Variants in SH3BP2 observed in about 807,000 individuals in gnomAD.
The protein encoded by SH3BP2 is SH3 domain-binding protein 2.
In SH3BP2, 38 loss-of-function variants were observed where a neutral mutation model predicts 56.2. The observed-to-expected ratio is 0.68, with a 90% CI of 0.52 to 0.89. SH3BP2 has a LOEUF of 0.89. Ranked by LOEUF, SH3BP2 falls within the 40% of genes least tolerant of loss-of-function variation. The probability of loss-of-function intolerance (pLI) is 0.00; values close to 1 mark genes in which losing one functional copy is unlikely to be tolerated. For missense variants in SH3BP2, 748 were observed against 762.6 expected, an observed-to-expected ratio of 0.98 and a Z score of 0.23; for synonymous variants, 346 against 316.7, an observed-to-expected ratio of 1.09 and a Z score of -0.98.
chr4:2,803,179 G>A (rs1723383233), intron 1 of SH3BP2, among the ~76,000 whole-genome samples: 1 of 152,318 alleles, frequency 6.6e-6, no homozygotes, highest in East Asian at 1.9e-4. Context: ...GGCCCACCCT[G>A]TAGGGCTTAC....
At chr4:2,795,469 C>T (rs1013982640) in intron 1 of SH3BP2, among the ~76,000 whole-genome samples, 3 of 152,360 alleles carry the variant, frequency 2.0e-5, no homozygotes, top group Admixed American at 2.0e-4. Context: ...AGGCGTGAGC[C>T]CCCACGCCTG....
rs1724848540 is a variant in SH3BP2 at position 2,829,393 on chromosome 4, A to G, written c.587-100A>G. ...GGGCAGGCTGTGGGGTGGGCCTACC[A>G]TGGGTTGCACTCCTGGTTGGCCTGG... is the stretch of plus-strand genomic sequence containing the variant. On this transcript the variant is annotated intron_variant, in intron 7 of 12. Transcript: ENST00000503393. This position sits in a 1 kb window ranked among gnomAD's most constrained non-coding sequence, Gnocchi z 4.9. 5 of 1,294,630 alleles carry G rather than the reference A, an allele frequency of 3.9e-6. No individual in the cohort carries two copies. Among genetic ancestry groups the G allele is most frequent in the Non-Finnish European group, 5.6e-6 (5 of 892,282 alleles). 80.2% of individuals were successfully genotyped at this position (1,294,630 alleles called of 1,614,324 possible).
At chr4:2,803,537 C>T (rs571554422) in intron 1 of SH3BP2, among the ~76,000 whole-genome samples, 2 of 152,218 alleles carry the variant, frequency 1.3e-5, no homozygotes, top group East Asian at 1.9e-4. Flanking sequence ...AGTGACTTGC[C>T]CCTAGTCTCC....
At chr4:2,823,261 T>C (rs2108728835) in intron 3 of SH3BP2, 1 of 592,070 alleles carries the variant, frequency 1.7e-6, no homozygotes, top group South Asian at 1.7e-5. Context: ...AGGGTCTTCC[T>C]GTGGCTTTGT....
chr4:2,829,473 C>G lies in SH3BP2; in HGVS notation c.587-20C>G, dbSNP rs112730511. On this transcript the variant is annotated intron_variant, in intron 7 of 12. Coordinates refer to ENST00000503393, the MANE Select transcript of SH3BP2 (RefSeq NM_001122681.2). The surrounding 1 kb of genome is among the most constrained non-coding windows in gnomAD (Gnocchi z 4.9). ...GCCCAGTCTCTGTCAGGGTCCAACC[C>G]GGGTCTCTTTGCTCTGCAGATGCCC... 2 of 1,613,212 alleles carry G rather than the reference C, an allele frequency of 1.2e-6. No homozygotes were observed. The highest frequency in any genetic ancestry group is 2.2e-5 in the South Asian group (2 of 91,078).
At chr4:2,808,426 G>T (rs76075986) in intron 1 of SH3BP2, among the ~76,000 whole-genome samples, 8,523 of 152,258 alleles carry the variant, frequency 0.056, 308 homozygotes, top group South Asian at 0.11. Context: ...GTGTTCACAG[G>T]TTCTGGGGAT....
chr4:2,822,974 A>G lies in SH3BP2; in HGVS notation c.176A>G (p.Tyr59Cys), dbSNP rs1447985608. Residue 59 changes from tyrosine to cysteine, a missense_variant, in exon 3 of 13, where the codon TAC becomes TGC. This residue lies in a region of SH3BP2 where 104 missense variants were observed against 123.1 expected (regional missense o/e 0.84). Coordinates refer to ENST00000503393, the MANE Select transcript of SH3BP2 (RefSeq NM_001122681.2). ...RFVIIHKRCV[Y>C]YFKSSTSASP... is the part of the protein sequence containing the mutation. ...GTCATCATCCACAAACGCTGCGTCT[A>G]CTACTTCAAGAGTAGCACCTCTGCC... The G allele has an allele frequency of 1.9e-6, 3 of 1,614,026 alleles. No individual in the cohort carries two copies. Among genetic ancestry groups the G allele is most frequent in the Non-Finnish European group, 2.5e-6 (3 of 1,179,950 alleles).
intron 6 of SH3BP2, 54 bp downstream of exon 6, chr4:2,827,372 T>C (rs1254233627): frequency 6.7e-7 from 1 of 1,498,084 alleles, no homozygotes; most frequent in African/African-American, 1.4e-5. Context: ...CCTGGCCTCC[T>C]CTTGGCCGCT....
At chr4:2,803,718 TAC>T (rs1723417153) in intron 1 of SH3BP2, among the ~76,000 whole-genome samples, 1 of 152,002 alleles carries the variant, frequency 6.6e-6, no homozygotes, top group Admixed American at 6.5e-5. Context: ...TGCCTTCTCT[TAC>T]CTGCAACCCC....
At chr4:2,800,750 C>G (rs2108698813) in intron 1 of SH3BP2, among the ~76,000 whole-genome samples, 1 of 152,298 alleles carries the variant, frequency 6.6e-6, no homozygotes, top group African/African-American at 2.4e-5. Context: ...AGGACCTGGC[C>G]TGGAGCGCCA....
At chr4:2,817,151 G>A (rs923907590) in intron 1 of SH3BP2, among the ~76,000 whole-genome samples, 2 of 152,264 alleles carry the variant, frequency 1.3e-5, no homozygotes, top group African/African-American at 2.4e-5. Context: ...GTAGAGGGCA[G>A]GAGTGGCTGA....
chr4:2,802,404 ATGTGTGTGTGTGTGTGTGTG>A (rs1175501543), intron 1 of SH3BP2, among the ~76,000 whole-genome samples: 1 of 135,900 alleles, frequency 7.4e-6, no homozygotes. Flanking sequence ...AAAAAAATAT[ATGTGTGTGTGTGTGTGTGTG>A]TGTGTGTGTG....
intron 2 of SH3BP2, among the ~76,000 whole-genome samples, chr4:2,822,024 C>T (rs772626260): frequency 1.6e-4 from 24 of 152,080 alleles, no homozygotes; most frequent in East Asian, 9.7e-4. Context: ...TGTGCCACCA[C>T]GCCCAGCTAA....
chr4:2,795,836 G>A (rs987297661), intron 1 of SH3BP2, among the ~76,000 whole-genome samples: 1 of 152,182 alleles, frequency 6.6e-6, no homozygotes, highest in Non-Finnish European at 1.5e-5. Context: ...TGCAGACCCT[G>A]GAATCCTTCC....
At chr4:2,821,558 CTCTTT>C (rs1422784194) in intron 2 of SH3BP2, among the ~76,000 whole-genome samples, 1 of 152,204 alleles carries the variant, frequency 6.6e-6, no homozygotes, top group African/African-American at 2.4e-5. Flanking sequence ...CTGAGTCTCC[CTCTTT>C]TATTTTATTT....
intron 1 of SH3BP2, among the ~76,000 whole-genome samples, chr4:2,798,300 G>C (rs564151777): frequency 6.6e-6 from 1 of 152,356 alleles, no homozygotes; most frequent in East Asian, 1.9e-4. Context: ...GAGTTAGCCT[G>C]GCCTACCTGT....
intron 1 of SH3BP2, among the ~76,000 whole-genome samples, chr4:2,801,901 A>T (rs1326742911): frequency 2.1e-4 from 32 of 152,124 alleles, no homozygotes; most frequent in Non-Finnish European, 2.6e-4. Context: ...TGAGGTCAGG[A>T]GTTCAAGACC....
In SH3BP2 at chr4:2,831,539, A is replaced by G. The variant is rs1400309380; in HGVS notation, c.1242-32A>G. 4 of 1,518,430 alleles carry G rather than the reference A, an allele frequency of 2.6e-6. No homozygotes were observed. The highest frequency in any genetic ancestry group is 3.6e-6 in the Non-Finnish European group (4 of 1,116,030). 94.1% of individuals were successfully genotyped at this position (1,518,430 alleles called of 1,614,324 possible). A position where few individuals can be genotyped will look rare whatever the true frequency, so the allele number is the denominator to read the frequency against. Reference sequence around the variant, plus strand: ...TGGCCGCCCCGTGTCTGACAGTGAAATGGTCCTGCCTTCCTCTCCCTGCCC... The same window carrying G: ...TGGCCGCCCCGTGTCTGACAGTGAAGTGGTCCTGCCTTCCTCTCCCTGCCC... On this transcript the variant is annotated intron_variant, in intron 8 of 12. Coordinates refer to ENST00000503393, the MANE Select transcript of SH3BP2 (RefSeq NM_001122681.2). This position sits in a 1 kb window ranked among gnomAD's most constrained non-coding sequence, Gnocchi z 4.1.
intron 1 of SH3BP2, chr4:2,799,244 G>A: frequency 1.0e-6 from 1 of 985,392 alleles, no homozygotes; most frequent in South Asian, 4.7e-5. Context: ...CTTCCCCTCG[G>A]GACCCTCACC....
Sources: allele counts gnomAD v4.1 joint callset (sites outside exome capture counted in the v4.1 genomes callset), GRCh38; gene constraint gnomAD v4.1.1; regional missense constraint gnomAD v4.1.1; non-coding constraint Gnocchi (gnomAD v3.1); transcripts MANE v1.5; gene names NCBI Gene and HGNC (gene_info 2026-07-23, HGNC 2026-07-21).